SLC9A8: variants seen among roughly 807,000 people sequenced by gnomAD.
SLC9A8 encodes the protein sodium/hydrogen exchanger 8.
In SLC9A8, 48 loss-of-function variants were observed where a neutral mutation model predicts 66.6. The observed-to-expected ratio is 0.72, with a 90% confidence interval of 0.57 to 0.92. SLC9A8 has a LOEUF of 0.92. Among genes scored for constraint, SLC9A8 ranks in the 40% least tolerant of loss-of-function variants. The probability of loss-of-function intolerance (pLI) is 0.00; values close to 1 mark genes in which losing one functional copy is unlikely to be tolerated. For missense variants in SLC9A8, 599 were observed against 747.3 expected, an observed-to-expected ratio of 0.80 and a Z score of 2.31; for synonymous variants, 274 against 282.6, an observed-to-expected ratio of 0.97 and a Z score of 0.31.
intron 3 of SLC9A8, among the ~76,000 whole-genome samples, chr20:49,832,625 A>G (rs555889476): frequency 6.6e-6 from 1 of 152,250 alleles, no homozygotes; most frequent in South Asian, 2.1e-4. Flanking sequence ...TGGCCCTTTC[A>G]CAGATTAGAA....
intron 1 of SLC9A8, among the ~76,000 whole-genome samples, chr20:49,814,346 GT>G (rs2086468504): frequency 6.6e-6 from 1 of 152,186 alleles, no homozygotes; most frequent in African/African-American, 2.4e-5. Context: ...GTGTTACCTA[GT>G]TCCTGGAATA....
intron 12 of SLC9A8, among the ~76,000 whole-genome samples, chr20:49,879,684 G>C (rs1047535823): frequency 4.0e-5 from 6 of 151,844 alleles, no homozygotes; most frequent in Non-Finnish European, 8.8e-5. Context: ...AATTAGCCGG[G>C]CATGGTAGCA....
chr20:49,834,921 C>T (rs908544822), intron 3 of SLC9A8, among the ~76,000 whole-genome samples: 3 of 152,144 alleles, frequency 2.0e-5, no homozygotes, highest in African/African-American at 7.2e-5. Context: ...TTTAACTTCC[C>T]TAGTAATCAG....
intron 2 of SLC9A8, among the ~76,000 whole-genome samples, chr20:49,817,056 C>T (rs1288659665): frequency 2.0e-5 from 3 of 151,220 alleles, no homozygotes; most frequent in African/African-American, 2.4e-5. Flanking sequence ...GGCCGGGCGC[C>T]GTGGCTCACA....
At position 49,864,763 on chromosome 20, in the gene SLC9A8, A is replaced by C; in HGVS notation, c.877A>C (p.Lys293Gln). Residue 293 changes from lysine (K) to glutamine (Q), a missense_variant, in exon 10 of 16, where the codon AAA becomes CAA. Physicochemically the swap from Lys to Gln is moderately conservative, Grantham distance 53. Around this residue, in one of 2 missense-constraint regions of SLC9A8, gnomAD observed 467 missense variants for 626.5 expected, o/e 0.75. Coordinates refer to ENST00000361573, the MANE Select transcript of SLC9A8 (RefSeq NM_015266.3). ...CGTGCTGAAGCATATTGACTTGAGGAAAACGCCTTCCTTGGAGTTTGGCAT... is the reference window on the plus strand; with the variant it reads ...CGTGCTGAAGCATATTGACTTGAGGCAAACGCCTTCCTTGGAGTTTGGCAT... ...ALVLKHIDLRKTPSLEFGMMI... is the reference protein window; with the variant it reads ...ALVLKHIDLRQTPSLEFGMMI... The C allele has an allele frequency of 6.2e-7, 1 of 1,614,102 alleles. No homozygotes were observed. The highest frequency in any genetic ancestry group is 1.1e-5 in the South Asian group (1 of 91,086).
Position 49,854,487 on chromosome 20 carries a change from C to T in SLC9A8, c.570-951C>T, listed in dbSNP as rs946584226. Among the ~76,000 whole-genome samples, 7 of 152,124 alleles carry T rather than the reference C, an allele frequency of 4.6e-5. 1 individual carries two copies. The highest frequency in any genetic ancestry group is 4.6e-4 in the Admixed American group (7 of 15,270). On this transcript the variant is annotated intron_variant, in intron 7 of 15. Coordinates refer to ENST00000361573, the MANE Select transcript of SLC9A8 (RefSeq NM_015266.3). ...CCTTCACAGAGGCCTCTCCAGACCG[C>T]CCCATCTAAGTGGCTCCCACACCCA...
chr20:49,848,724 A>G (rs924352394), intron 5 of SLC9A8, among the ~76,000 whole-genome samples: 6 of 152,228 alleles, frequency 3.9e-5, no homozygotes, highest in East Asian at 1.9e-4. Flanking sequence ...ATAGTTAATG[A>G]TGATACTAAT....
intron 7 of SLC9A8, among the ~76,000 whole-genome samples, chr20:49,852,186 T>C (rs1251387492): frequency 6.6e-6 from 1 of 152,136 alleles, no homozygotes; most frequent in African/African-American, 2.4e-5. Context: ...AGTCTAGACA[T>C]GGGGCAGCGG....
chr20:49,883,378 C>T (rs778858649), intron 13 of SLC9A8, among the ~76,000 whole-genome samples: 12 of 152,132 alleles, frequency 7.9e-5, no homozygotes, highest in Admixed American at 2.0e-4. Flanking sequence ...TGGCCCTGGG[C>T]GGGCCATGCT....
At chr20:49,873,324 A>G (rs2089283296) in intron 10 of SLC9A8, among the ~76,000 whole-genome samples, 1 of 151,938 alleles carries the variant, frequency 6.6e-6, no homozygotes, top group Admixed American at 6.6e-5. Flanking sequence ...CTCTACAAAA[A>G]TACAAAAATT....
chr20:49,853,344 A>G (rs1257301994), intron 7 of SLC9A8, among the ~76,000 whole-genome samples: 1 of 151,948 alleles, frequency 6.6e-6, no homozygotes, highest in East Asian at 1.9e-4. Context: ...TTCTCTCTAT[A>G]TTGCCCAGGC....
intron 8 of SLC9A8, 50 bp downstream of exon 8, chr20:49,855,631 G>T: frequency 6.4e-7 from 1 of 1,573,314 alleles, no homozygotes; most frequent in Non-Finnish European, 8.7e-7. Context: ...AGAACTAAAG[G>T]TCCTTGTAAC....
rs2088808427 is a variant in SLC9A8 at position 49,862,946 on chromosome 20, CA to C, written c.733del (p.Arg245GlufsTer36). On this transcript the variant is annotated frameshift_variant, in exon 9 of 16. Transcript: ENST00000361573. LOFTEE classifies it high-confidence loss of function. ...IVLTNTAEGL[T>X]RKNMSDVSGW... The stretch of plus-strand genomic sequence containing the variant: ...TTTCCTAGCACAGCTGAAGGTTTAA[CA>C]AGAAAAAATATGTCAGATGTCAGTG... The C allele has an allele frequency of 2.5e-6, 4 of 1,612,292 alleles. No homozygotes were observed. The highest frequency in any genetic ancestry group is 3.4e-6 in the Non-Finnish European group (4 of 1,178,706).
At chr20:49,828,781 G>T (rs1289540177) in intron 3 of SLC9A8, among the ~76,000 whole-genome samples, 1 of 151,750 alleles carries the variant, frequency 6.6e-6, no homozygotes, top group Admixed American at 6.6e-5. Flanking sequence ...GGAGGTTGCA[G>T]TGAGCCAAGA....
chr20:49,830,881 A>C, intron 3 of SLC9A8: 1 of 1,310,480 alleles, frequency 7.6e-7, no homozygotes, highest in Non-Finnish European at 1.1e-6. Flanking sequence ...CTAGACCAGA[A>C]GTGCCAAAAT....
At chr20:49,885,122 G>A (rs1240305648) in intron 14 of SLC9A8, among the ~76,000 whole-genome samples, 1 of 152,212 alleles carries the variant, frequency 6.6e-6, no homozygotes, top group East Asian at 1.9e-4. Context: ...CCAGATGGCT[G>A]TGAGGCCTGG....
At chr20:49,828,965 G>A (rs1337014097) in intron 3 of SLC9A8, among the ~76,000 whole-genome samples, 1 of 151,262 alleles carries the variant, frequency 6.6e-6, no homozygotes, top group African/African-American at 2.4e-5. Context: ...TTAACACAGT[G>A]CAAATACATA....
At chr20:49,887,756 C>A in intron 15 of SLC9A8, 73 bp from the exon 16 acceptor site, 2 of 1,206,812 alleles carry the variant, frequency 1.7e-6, no homozygotes, top group Non-Finnish European at 2.4e-6. Context: ...ACACAAAACA[C>A]CCAGTAGCAT....
intron 15 of SLC9A8, 63 bp from the exon 16 acceptor site, chr20:49,887,766 T>G: frequency 7.7e-7 from 1 of 1,303,114 alleles, no homozygotes; most frequent in Middle Eastern, 1.9e-4. Flanking sequence ...CCCAGTAGCA[T>G]CCCCTCCCTT....
Sources: gnomAD v4.1 joint callset for allele counts (sites outside exome capture counted in the v4.1 genomes callset) on GRCh38, gnomAD v4.1.1 for gene constraint, gnomAD v4.1.1 regional missense constraint, MANE v1.5 for transcripts, NCBI Gene and HGNC (gene_info 2026-07-23, HGNC 2026-07-21) for gene names.